NEDD1: variants seen among roughly 807,000 people sequenced by gnomAD.
NEDD1 encodes protein NEDD1.
A neutral mutation model predicts 74.0 loss-of-function variants in NEDD1; 33 were observed. The ratio of observed to expected loss-of-function variants is 0.45; its 90% confidence interval spans 0.34 to 0.60. The LOEUF (loss-of-function observed/expected upper bound fraction) is 0.60, where lower values mean the gene tolerates loss of function less well. Among genes scored for constraint, NEDD1 ranks in the 20% least tolerant of loss-of-function variants. The probability of loss-of-function intolerance (pLI) is 0.01; values close to 1 mark genes in which losing one functional copy is unlikely to be tolerated. For missense variants in NEDD1, 746 were observed against 776.5 expected, an observed-to-expected ratio of 0.96 and a Z score of 0.47; for synonymous variants, 250 against 264.4, an observed-to-expected ratio of 0.95 and a Z score of 0.53.
intron 4 of NEDD1, among the ~76,000 whole-genome samples, chr12:96,915,059 A>G (rs963705802): frequency 1.3e-5 from 2 of 152,228 alleles, no homozygotes; most frequent in African/African-American, 4.8e-5. Context: ...ACCAGATTCT[A>G]AAGCTTCTTA....
At chr12:96,949,989 T>A (rs916722055) in intron 14 of NEDD1, among the ~76,000 whole-genome samples, 1 of 152,064 alleles carries the variant, frequency 6.6e-6, no homozygotes, top group African/African-American at 2.4e-5. Context: ...TTGACTGCAT[T>A]ATTAGTATAT....
chr12:96,928,772 C>T (rs1367775423), intron 6 of NEDD1, among the ~76,000 whole-genome samples: 3 of 150,074 alleles, frequency 2.0e-5, no homozygotes, highest in South Asian at 2.1e-4. Flanking sequence ...CTGCAAGCTC[C>T]GCCTCCTGGG....
intron 7 of NEDD1, among the ~76,000 whole-genome samples, chr12:96,936,281 G>A (rs996565554): frequency 1.3e-5 from 2 of 152,184 alleles, no homozygotes; most frequent in Non-Finnish European, 1.5e-5. Flanking sequence ...CAGAGCCCCT[G>A]TTTGTGGCGT....
rs765450095 is a variant in NEDD1 at position 96,945,754 on chromosome 12, C to T, written c.1716C>T (p.Ala572=). The T allele has an allele frequency of 2.0e-5, 32 of 1,607,032 alleles. No homozygotes were observed. The Middle Eastern group carries it at 6.6e-4, about 33-fold the overall frequency. The change falls in exon 14 of 16, where the codon GCC becomes GCT. Residue 572 remains alanine, a synonymous_variant. Transcript: ENST00000266742. ...CCAGTTCACTCTCAGAAAAAATAGC[C>T]GACAGCATTGGAAATAACCGGCAAA... is the stretch of plus-strand genomic sequence containing the variant. ...GVASSLSEKI[A]DSIGNNRQNA...
chr12:96,951,892 C>A (rs1220638847), intron 15 of NEDD1, 57 bp from the exon 16 acceptor site: 8 of 905,188 alleles, frequency 8.8e-6, no homozygotes, highest in Non-Finnish European at 1.4e-5. Flanking sequence ...TTAAACATAG[C>A]CTGCCAAATA....
At chr12:96,938,835 T>TCACA (rs201827829) in intron 9 of NEDD1, among the ~76,000 whole-genome samples, 2 of 50,280 alleles carry the variant, frequency 4.0e-5, no homozygotes, top group Non-Finnish European at 8.4e-5. Context: ...TCTCTCTCTC[T>TCACA]CACACACACA....
chr12:96,913,561 A>G (rs1874141863), intron 4 of NEDD1, among the ~76,000 whole-genome samples: 2 of 151,884 alleles, frequency 1.3e-5, no homozygotes, highest in Non-Finnish European at 2.9e-5. Flanking sequence ...TTTAGTAGAG[A>G]CGGGGTTTCA....
At chr12:96,940,683 T>C (rs537444992) in intron 10 of NEDD1, 146 bp downstream of exon 10, 8 of 476,548 alleles carry the variant, frequency 1.7e-5, no homozygotes, top group Non-Finnish European at 3.0e-5. Context: ...TCTTTTTCTT[T>C]GCCCTGATAT....
chr12:96,918,368 A>T (rs953074222), intron 5 of NEDD1, among the ~76,000 whole-genome samples: 1 of 150,800 alleles, frequency 6.6e-6, no homozygotes, highest in African/African-American at 2.4e-5. Context: ...TTAGAAGTTG[A>T]TCTTAAAATT....
intron 6 of NEDD1, 66 bp downstream of exon 6, chr12:96,920,191 CTG>C: frequency 1.0e-5 from 10 of 994,618 alleles, no homozygotes; most frequent in Non-Finnish European, 1.4e-5. Flanking sequence ...TTACATAAGA[CTG>C]TGAATTTAAG....
chr12:96,948,859 C>T (rs1052101090), intron 14 of NEDD1, among the ~76,000 whole-genome samples: 6 of 152,176 alleles, frequency 3.9e-5, no homozygotes, highest in Non-Finnish European at 8.8e-5. Flanking sequence ...ATTTTGCCAG[C>T]ATCACAAGAC....
At chr12:96,925,358 A>G (rs1875580880) in intron 6 of NEDD1, among the ~76,000 whole-genome samples, 1 of 152,228 alleles carries the variant, frequency 6.6e-6, no homozygotes. Flanking sequence ...ATTGTGTTTC[A>G]GCACTGTGAT....
intron 6 of NEDD1, among the ~76,000 whole-genome samples, chr12:96,933,977 C>T (rs147290580): frequency 6.6e-6 from 1 of 152,148 alleles, no homozygotes; most frequent in Admixed American, 6.5e-5. Flanking sequence ...ATCTCCACTA[C>T]CTGCAGGGAT....
intron 6 of NEDD1, among the ~76,000 whole-genome samples, chr12:96,929,713 G>A (rs1003378926): frequency 3.3e-5 from 5 of 151,210 alleles, no homozygotes; most frequent in African/African-American, 7.3e-5. Context: ...CCTCCATCCT[G>A]TTCAGGTTTG....
At chr12:96,916,388 A>G (rs1874452277) in intron 4 of NEDD1, among the ~76,000 whole-genome samples, 1 of 127,792 alleles carries the variant, frequency 7.8e-6, no homozygotes, top group Non-Finnish European at 1.7e-5. Context: ...TATATCTCCC[A>G]ATGCTATCCC....
intron 1 of NEDD1, 79 bp downstream of exon 1, chr12:96,907,379 C>T (rs937845442): frequency 1.7e-5 from 8 of 459,476 alleles, no homozygotes; most frequent in Non-Finnish European, 3.0e-5. Context: ...AGACCCGCTC[C>T]GTCCCCCTCA....
chr12:96,944,661 G>A lies in NEDD1; in HGVS notation c.1520G>A (p.Gly507Asp), dbSNP rs138297518. 1.4e-5 allele frequency: 23 copies of A among 1,597,264 alleles called. No homozygotes were observed. The African/African-American group carries it at 1.6e-4, about 11-fold the overall frequency. ...FKQLAKLVTS[G>D]AESGNLNTSP... ...AAGTTAGCAAAGTTGGTCACATCTG[G>A]TGCTGAAAGTGGAAATCTAAATACC... The change falls in exon 13 of 16, where the codon GGT (glycine) becomes GAT (aspartate). Residue 507 changes from glycine to aspartate, a missense_variant. Transcript: ENST00000266742.
At chr12:96,931,978 T>C (rs1242827553) in intron 6 of NEDD1, among the ~76,000 whole-genome samples, 5 of 152,156 alleles carry the variant, frequency 3.3e-5, no homozygotes, top group Non-Finnish European at 7.4e-5. Context: ...AGCCAACTTA[T>C]TTTTGTAAAG....
In NEDD1 at chr12:96,944,732, C is replaced by T. The variant is rs1657064503; in HGVS notation, c.1591C>T (p.Pro531Ser). Residue 531 changes from proline to serine, a missense_variant, in exon 13 of 16, where the codon CCA (proline) becomes TCA (serine). By Grantham distance (74) the Pro-to-Ser change is moderately conservative (BLOSUM62 -1). Transcript: ENST00000266742. ...AAGAAATTCTGAGAAATTTGAAAAGCCAGAGAATGAAATTGAAGCCCAGTT... is the reference window on the plus strand; with the variant it reads ...AAGAAATTCTGAGAAATTTGAAAAGTCAGAGAATGAAATTGAAGCCCAGTT... ...QTRNSEKFEK[P>S]ENEIEAQLIC... 2.5e-6 allele frequency: 4 copies of T among 1,597,262 alleles called. No homozygotes were observed. The South Asian group carries it at 4.5e-5, about 18-fold the overall frequency.
Sources: allele counts gnomAD v4.1 joint callset (sites outside exome capture counted in the v4.1 genomes callset), GRCh38; gene constraint gnomAD v4.1.1; transcripts MANE v1.5; gene names NCBI Gene and HGNC (gene_info 2026-07-23, HGNC 2026-07-21).